Variants in CDH13 observed in about 807,000 individuals in gnomAD.
The protein encoded by CDH13 is cadherin 13, also known as cadherin-13.
In CDH13, 24 loss-of-function variants were observed where a neutral mutation model predicts 63.8. The ratio of observed to expected loss-of-function variants is 0.38; its 90% CI spans 0.27 to 0.53. CDH13 has a LOEUF of 0.53. CDH13 is among the 20% of genes least tolerant of loss of function. CDH13 has a pLI of 0.85. For missense variants in CDH13, 1,049 were observed against 903.1 expected (o/e 1.16, Z -2.07); for synonymous variants, 503 against 355.3 (o/e 1.42, Z -4.67).
At chr16:82,779,921 A>G (rs1428175979) in intron 1 of CDH13, among the ~76,000 whole-genome samples, 1 of 152,196 alleles carries the variant, frequency 6.6e-6, no homozygotes, top group African/African-American at 2.4e-5. Flanking sequence ...AAGAAGTCAA[A>G]TACATCTGCA....
chr16:83,215,984 AC>A (rs879666023), intron 4 of CDH13, among the ~76,000 whole-genome samples: 1 of 141,622 alleles, frequency 7.1e-6, no homozygotes, highest in Admixed American at 7.1e-5. Flanking sequence ...ACATAAAAAG[AC>A]CACCCCCCAT....
intron 6 of CDH13, among the ~76,000 whole-genome samples, chr16:83,439,291 A>G (rs982001268): frequency 6.6e-6 from 1 of 152,228 alleles, no homozygotes; most frequent in African/African-American, 2.4e-5. Context: ...TTATTTTCCC[A>G]CTGCTGTTGC....
At chr16:83,012,472 G>C (rs961356208) in intron 2 of CDH13, among the ~76,000 whole-genome samples, 1 of 151,876 alleles carries the variant, frequency 6.6e-6, no homozygotes, top group African/African-American at 2.4e-5. Flanking sequence ...TTTCCAAGAG[G>C]CTAAATTTTC....
intron 4 of CDH13, among the ~76,000 whole-genome samples, chr16:83,210,103 C>T (rs1232440092): frequency 4.6e-5 from 7 of 150,942 alleles, no homozygotes; most frequent in Admixed American, 6.6e-5. Flanking sequence ...CTCGCTCTGT[C>T]ATCCAGGCTA....
chr16:82,729,335 A>G (rs1360145879), intron 1 of CDH13, among the ~76,000 whole-genome samples: 1 of 152,166 alleles, frequency 6.6e-6, no homozygotes, highest in Non-Finnish European at 1.5e-5. Flanking sequence ...TATTTCTTTA[A>G]TAATAAGACT....
chr16:82,736,269 T>C (rs1194173280), intron 1 of CDH13, among the ~76,000 whole-genome samples: 1 of 152,090 alleles, frequency 6.6e-6, no homozygotes, highest in Non-Finnish European at 1.5e-5. Flanking sequence ...TAAATATATT[T>C]ATATAATCCT....
chr16:82,776,990 G>A (rs1046032389), intron 1 of CDH13, among the ~76,000 whole-genome samples: 1 of 152,166 alleles, frequency 6.6e-6, no homozygotes, highest in Non-Finnish European at 1.5e-5. Flanking sequence ...CATCAGGTTG[G>A]AGTGCAGTGA....
chr16:83,260,072 T>A (rs1489923009), intron 5 of CDH13, among the ~76,000 whole-genome samples: 1 of 150,976 alleles, frequency 6.6e-6, no homozygotes, highest in East Asian at 2.0e-4. Flanking sequence ...AATAGTTTTT[T>A]TTTTTTGTAA....
At chr16:82,887,219 C>G (rs1458186055) in intron 2 of CDH13, among the ~76,000 whole-genome samples, 1 of 152,128 alleles carries the variant, frequency 6.6e-6, no homozygotes, top group Non-Finnish European at 1.5e-5. Flanking sequence ...ATAATACATA[C>G]TTTCAGCTTT....
intron 1 of CDH13, among the ~76,000 whole-genome samples, chr16:82,736,985 T>C (rs1182244321): frequency 6.6e-6 from 1 of 152,238 alleles, no homozygotes; most frequent in Non-Finnish European, 1.5e-5. Context: ...CCTCTCTGCA[T>C]TCCTTTTCCT....
intron 1 of CDH13, among the ~76,000 whole-genome samples, chr16:82,725,130 G>A (rs1180455203): frequency 7.4e-6 from 1 of 134,306 alleles, no homozygotes; most frequent in Non-Finnish European, 1.7e-5. Flanking sequence ...TGATGTTGAT[G>A]GTCATGGTGA....
intron 3 of CDH13, among the ~76,000 whole-genome samples, chr16:83,105,301 T>C (rs1465787866): frequency 6.6e-6 from 1 of 152,172 alleles, no homozygotes; most frequent in Non-Finnish European, 1.5e-5. Flanking sequence ...TCAAACGCTG[T>C]TTTTCTCTGA....
chr16:83,791,249 C>T (rs1221790419), intron 13 of CDH13, among the ~76,000 whole-genome samples: 2 of 152,172 alleles, frequency 1.3e-5, no homozygotes, highest in Non-Finnish European at 2.9e-5. Flanking sequence ...GTAATCCCAA[C>T]ACTTTCGGAA....
intron 1 of CDH13, among the ~76,000 whole-genome samples, chr16:82,653,621 G>A (rs1007289756): frequency 3.9e-5 from 6 of 152,180 alleles, no homozygotes; most frequent in Non-Finnish European, 8.8e-5. Flanking sequence ...CCAAGGTGCA[G>A]GGCTGCAGGG....
chr16:83,101,914 T>C (rs770442064), intron 3 of CDH13, among the ~76,000 whole-genome samples: 6 of 152,222 alleles, frequency 3.9e-5, no homozygotes, highest in Non-Finnish European at 7.3e-5. Context: ...CCCAGGATTG[T>C]TCACATTCTA....
intron 1 of CDH13, among the ~76,000 whole-genome samples, chr16:82,757,147 T>C (rs548020626): frequency 2.0e-5 from 3 of 152,264 alleles, no homozygotes; most frequent in Admixed American, 6.5e-5. Context: ...CCATGCTGTA[T>C]TGTATCCTAT....
chr16:83,127,428 G>A (rs1302997314), intron 4 of CDH13, among the ~76,000 whole-genome samples: 1 of 152,188 alleles, frequency 6.6e-6, no homozygotes, highest in African/African-American at 2.4e-5. Context: ...AGGTGACTTG[G>A]ACTATTGAAA....
At chr16:83,429,161 A>G (rs908233944) in intron 6 of CDH13, among the ~76,000 whole-genome samples, 3 of 152,218 alleles carry the variant, frequency 2.0e-5, no homozygotes, top group Admixed American at 6.5e-5. Flanking sequence ...AAGACTTTCT[A>G]TAAGACTGGA....
intron 5 of CDH13, among the ~76,000 whole-genome samples, chr16:83,327,721 G>T (rs1401699398): frequency 6.6e-6 from 1 of 152,192 alleles, no homozygotes; most frequent in Non-Finnish European, 1.5e-5. Context: ...GTCAAGGAAG[G>T]TTTCTGTTTT....
Sources: gnomAD v4.1 joint callset for allele counts (sites outside exome capture counted in the v4.1 genomes callset) on GRCh38, gnomAD v4.1.1 for gene constraint, MANE v1.5 for transcripts, NCBI Gene and HGNC (gene_info 2026-07-23, HGNC 2026-07-21) for gene names.